The following MTUS2 variants were observed in gnomAD, a reference collection of about 807,000 sequenced individuals.
MTUS2 encodes the protein microtubule associated scaffold protein 2.
MTUS2 carries 40 observed loss-of-function variants against 114.1 expected under a neutral mutation model. That is an observed-to-expected ratio of 0.35 (90% CI 0.27 to 0.46). The LOEUF is 0.46. MTUS2 is among the 20% of genes least tolerant of loss of function. The pLI is 1.00. For synonymous variants in MTUS2, 688 were observed against 672.0 expected (o/e 1.02, Z -0.37); for missense variants, 1,679 against 1,705.4 (o/e 0.98, Z 0.27).
intron 2 of MTUS2, among the ~76,000 whole-genome samples, chr13:28,936,177 A>T (rs532946470): frequency 2.0e-5 from 3 of 152,278 alleles, no homozygotes; most frequent in African/African-American, 7.2e-5. Context: ...TGATGTTTGC[A>T]TGATTATGTG....
chr13:29,374,818 C>T (rs569825000), intron 8 of MTUS2, among the ~76,000 whole-genome samples: 52 of 152,026 alleles, frequency 3.4e-4, no homozygotes, highest in Middle Eastern at 6.8e-3. Context: ...CCCAGCTACT[C>T]GGGAGGCTGA....
Position 29,449,103 on chromosome 13 carries a change from ATAG to A in MTUS2, c.3184+9056_3184+9058del, listed in dbSNP as rs1566206579. Among the ~76,000 whole-genome samples the A allele has an allele frequency of 3.3e-5, 5 of 152,178 alleles. No individual in the cohort carries two copies. The South Asian group carries it at 1.0e-3, about 32-fold the overall frequency. On this transcript the variant is annotated intron_variant, in intron 9 of 15. Coordinates refer to ENST00000612955, the MANE Select transcript of MTUS2 (RefSeq NM_001033602.4). ...TCTCAGGTATTGTACAGAAATCCAAATAGTTAAATCCATGTTTTGATTAAGGTC... is the reference window on the plus strand; with the variant it reads ...TCTCAGGTATTGTACAGAAATCCAAATTAAATCCATGTTTTGATTAAGGTC...
chr13:29,354,889 T>A (rs1253484717), intron 7 of MTUS2, among the ~76,000 whole-genome samples: 1 of 152,240 alleles, frequency 6.6e-6, no homozygotes, highest in African/African-American at 2.4e-5. Flanking sequence ...GCGCAGGGAC[T>A]CCCTAGAGTG....
At chr13:29,301,244 C>T (rs1227209974) in intron 6 of MTUS2, among the ~76,000 whole-genome samples, 1 of 152,180 alleles carries the variant, frequency 6.6e-6, no homozygotes, top group Non-Finnish European at 1.5e-5. Context: ...GACCCTGCAG[C>T]AGCTCTCATT....
chr13:28,939,426 G>T, intron 2 of MTUS2, among the ~76,000 whole-genome samples: 1 of 152,230 alleles, frequency 6.6e-6, no homozygotes, highest in East Asian at 1.9e-4. Flanking sequence ...TTTAATTTGT[G>T]TAGCATATGT....
Position 28,922,849 on chromosome 13 carries a change from T to C in MTUS2, c.-243+82999T>C, listed in dbSNP as rs557174656. Among the ~76,000 whole-genome samples, 8 of 152,322 alleles carry C rather than the reference T, an allele frequency of 5.3e-5. No individual in the cohort carries two copies. The South Asian group carries it at 1.5e-3, about 28-fold the overall frequency. On this transcript the variant is annotated intron_variant, in intron 2 of 15. Coordinates refer to ENST00000612955, the MANE Select transcript of MTUS2 (RefSeq NM_001033602.4). ...TTTTTGTGTGTAGTTAGTTAAAATA[T>C]GGTGTTTCTGTTGGGGGAACAAATC...
chr13:28,958,947 A>C (rs630086), intron 2 of MTUS2, among the ~76,000 whole-genome samples: 134,199 of 152,198 alleles, frequency 0.88, 59,345 homozygotes, highest in East Asian at 1. Flanking sequence ...AGCTGGACTT[A>C]TGCTTCTGGG....
At chr13:29,439,357 T>TTTTTTGCAC (rs1877660208) in intron 8 of MTUS2, among the ~76,000 whole-genome samples, 1 of 152,230 alleles carries the variant, frequency 6.6e-6, no homozygotes, top group Non-Finnish European at 1.5e-5. Context: ...ATACGGGGCA[T>TTTTTTGCAC]TTTTTGCACT....
At chr13:29,219,451 A>T (rs112350166) in intron 5 of MTUS2, among the ~76,000 whole-genome samples, 3,720 of 152,014 alleles carry the variant, frequency 0.024, 147 homozygotes, top group African/African-American at 0.085. Context: ...ATGTGTGTTT[A>T]TAGCAGCATG....
At chr13:29,410,247 C>G (rs1875123674) in intron 8 of MTUS2, among the ~76,000 whole-genome samples, 1 of 152,058 alleles carries the variant, frequency 6.6e-6, no homozygotes, top group East Asian at 1.9e-4. Context: ...GCCTCAGCCT[C>G]CCAAGTAGCT....
chr13:29,319,766 A>G (rs187362677), intron 6 of MTUS2, among the ~76,000 whole-genome samples: 25 of 152,304 alleles, frequency 1.6e-4, no homozygotes, highest in African/African-American at 4.1e-4. Flanking sequence ...GATGCCCGCT[A>G]GCCTTAGCCG....
At chr13:28,907,173 A>C (rs1566213973) in intron 2 of MTUS2, among the ~76,000 whole-genome samples, 1 of 151,522 alleles carries the variant, frequency 6.6e-6, no homozygotes, top group Non-Finnish European at 1.5e-5. Flanking sequence ...GTGAAGGAGA[A>C]ATAAAATACT....
chr13:29,229,682 A>G (rs904636670), intron 5 of MTUS2, among the ~76,000 whole-genome samples: 2 of 152,192 alleles, frequency 1.3e-5, no homozygotes, highest in African/African-American at 2.4e-5. Context: ...CAGATACAGG[A>G]ATCTTTTCTG....
intron 5 of MTUS2, chr13:29,239,588 G>C (rs895370738): frequency 6.6e-6 from 1 of 152,184 alleles, no homozygotes; most frequent in Non-Finnish European, 1.5e-5. Context: ...TGAGAGTTAT[G>C]GTCTTGATTG....
chr13:28,892,140 C>G (rs988403760), intron 2 of MTUS2, among the ~76,000 whole-genome samples: 2 of 152,128 alleles, frequency 1.3e-5, no homozygotes, highest in African/African-American at 4.8e-5. Context: ...CTTTTTCACT[C>G]CATATTCCTG....
Position 29,496,535 on chromosome 13 carries a change from T to G in MTUS2, c.3580-703T>G, listed in dbSNP as rs1459608037. 2.0e-5 allele frequency: 3 copies of G among 152,810 alleles called. No homozygotes were observed. The highest frequency in any genetic ancestry group is 2.9e-5 in the Non-Finnish European group (2 of 68,298). 9.5% of individuals were successfully genotyped at this position (152,810 alleles called of 1,614,324 possible). ...GGATGCTGTGTTAGGGAGTGTGCAC[T>G]GCACCTTGAGGGCAGTGGAGGAGGA... On this transcript the variant is annotated intron_variant, in intron 12 of 15. Coordinates refer to ENST00000612955, the MANE Select transcript of MTUS2 (RefSeq NM_001033602.4). The surrounding 1 kb of genome is among the most constrained non-coding windows in gnomAD (Gnocchi z 4.3).
At chr13:29,320,513 T>C (rs1900209260) in intron 6 of MTUS2, among the ~76,000 whole-genome samples, 1 of 152,192 alleles carries the variant, frequency 6.6e-6, no homozygotes, top group African/African-American at 2.4e-5. Context: ...AGGGAGAGGC[T>C]GAGCACTCAG....
chr13:29,207,784 T>C (rs995869285), intron 5 of MTUS2, among the ~76,000 whole-genome samples: 5 of 152,212 alleles, frequency 3.3e-5, no homozygotes, highest in South Asian at 2.1e-4. Flanking sequence ...CACTTGATCA[T>C]GGTGGATTAC....
chr13:29,393,056 T>C lies in MTUS2; in HGVS notation c.3117+33583T>C, dbSNP rs1268232042. ...TCCATACATGAGACTGTCCCAGCAC[T>C]CCCCCAAGAAGCAGGAATGAAGGTA... On this transcript the variant is annotated intron_variant, in intron 8 of 15. Coordinates refer to ENST00000612955, the MANE Select transcript of MTUS2 (RefSeq NM_001033602.4). Among the ~76,000 whole-genome samples, 3 of 152,056 alleles carry C rather than the reference T, an allele frequency of 2.0e-5. No homozygotes were observed. The South Asian group carries it at 6.2e-4, about 32-fold the overall frequency.
Sources: allele counts gnomAD v4.1 joint callset (sites outside exome capture counted in the v4.1 genomes callset), GRCh38; gene constraint gnomAD v4.1.1; non-coding constraint Gnocchi (gnomAD v3.1); transcripts MANE v1.5; gene names NCBI Gene and HGNC (gene_info 2026-07-23, HGNC 2026-07-21).